SNX27: variants seen among roughly 807,000 people sequenced by gnomAD.
SNX27 encodes the protein sorting nexin 27.
In SNX27, 22 loss-of-function variants were observed where a neutral mutation model predicts 71.6. That is an observed-to-expected ratio of 0.31 (90% CI 0.22 to 0.44). The LOEUF (loss-of-function observed/expected upper bound fraction) is 0.44. Ranked by LOEUF, SNX27 falls within the 20% of genes least tolerant of loss-of-function variation. SNX27 has a pLI of 1.00. For synonymous variants in SNX27, 269 were observed against 277.2 expected, an observed-to-expected ratio of 0.97 and a Z score of 0.29; for missense variants, 531 against 698.6, an observed-to-expected ratio of 0.76 and a Z score of 2.70.
chr1:151,672,902 G>A (rs1018847973), intron 7 of SNX27, among the ~76,000 whole-genome samples: 1 of 149,280 alleles, frequency 6.7e-6, no homozygotes, highest in Non-Finnish European at 1.5e-5. Context: ...AGGTTTGTCT[G>A]TTTAACTTTT....
chr1:151,641,598 G>GAT (rs56886589), intron 2 of SNX27, among the ~76,000 whole-genome samples: 3,586 of 78,776 alleles, frequency 0.046, 131 homozygotes, highest in African/African-American at 0.068. Flanking sequence ...TCCTTTATCA[G>GAT]ATATATATAT....
intron 7 of SNX27, among the ~76,000 whole-genome samples, chr1:151,669,840 C>T (rs1009549605): frequency 5.3e-5 from 8 of 152,050 alleles, no homozygotes; most frequent in African/African-American, 1.9e-4. Flanking sequence ...AATCACATCA[C>T]AGAAAATGAG....
chr1:151,690,907 G>A (rs1441062264), intron 8 of SNX27, among the ~76,000 whole-genome samples: 2 of 152,184 alleles, frequency 1.3e-5, no homozygotes, highest in East Asian at 3.8e-4. Flanking sequence ...TGGAAGTAAT[G>A]GGGCCAGGAT....
rs767079309 is a variant in SNX27, at chr1:151,612,247, A to G, written c.46A>G (p.Arg16Gly). ...GEGIHPSAPH[R>G]NGGGGGGGGS... ...AGGGATTCATCCCTCAGCCCCTCAC[A>G]GGAACGGAGGTGGCGGCGGCGGCGG... The change falls in exon 1 of 12, where the codon AGG (arginine) becomes GGG (glycine). Residue 16 changes from arginine to glycine, a missense_variant. Coordinates refer to ENST00000458013, the MANE Select transcript of SNX27 (RefSeq NM_001330723.2). This position sits in a 1 kb window ranked among gnomAD's most constrained non-coding sequence, Gnocchi z 5.2. The G allele has an allele frequency of 4.2e-6, 6 of 1,435,798 alleles. No individual in the cohort carries two copies. In the East Asian group the frequency reaches 8.9e-5, roughly 21 times the overall value. The allele number at this position is 1,435,798 out of a possible 1,614,324, so 88.9% of individuals were successfully genotyped here.
intron 1 of SNX27, among the ~76,000 whole-genome samples, chr1:151,621,893 T>C (rs1480147775): frequency 6.6e-6 from 1 of 152,236 alleles, no homozygotes; most frequent in Non-Finnish European, 1.5e-5. Context: ...GCCTCTGTCT[T>C]TACTTGGAAA....
chr1:151,662,043 T>TC (rs397762476), intron 4 of SNX27, 123 bp from the exon 5 acceptor site: 2 of 609,392 alleles, frequency 3.3e-6, no homozygotes, highest in East Asian at 2.9e-5. Flanking sequence ...TTGATTTTTT[T>TC]CCCGTTTTCA....
intron 2 of SNX27, among the ~76,000 whole-genome samples, chr1:151,639,923 C>T (rs1390727486): frequency 6.6e-6 from 1 of 152,166 alleles, no homozygotes; most frequent in Non-Finnish European, 1.5e-5. Flanking sequence ...GCAGTGGGTT[C>T]TGTTAGATGC....
rs1168317084 is a variant in SNX27, at chr1:151,694,407, T to C, written c.1616T>C (p.Val539Ala). The C allele has an allele frequency of 1.9e-5, 30 of 1,550,374 alleles. No individual in the cohort carries two copies. The highest frequency in any genetic ancestry group is 2.7e-5 in the African/African-American group (2 of 72,990). Residue 539 changes from valine to alanine, a missense_variant, in exon 12 of 12, where the codon GTG becomes GCG. Around this residue, in one of 5 missense-constraint regions of SNX27, gnomAD observed 157 missense variants for 178.4 expected, o/e 0.88. Coordinates refer to ENST00000458013, the MANE Select transcript of SNX27 (RefSeq NM_001330723.2). ...ATGGCGAGGTCACAGCAGAGAGATG[T>C]GGCCACCTAGCCTTTCCTTATCCCC... is the stretch of plus-strand genomic sequence containing the variant. Reference protein sequence around the residue: ...FQMARSQQRDVAT With the variant: ...FQMARSQQRDAAT
intron 1 of SNX27, among the ~76,000 whole-genome samples, chr1:151,622,038 A>C (rs1245437203): frequency 2.0e-5 from 3 of 152,154 alleles, no homozygotes; most frequent in African/African-American, 7.2e-5. Flanking sequence ...TATATTCCTC[A>C]TTTGGAAAAG....
At position 151,683,378 on chromosome 1, in the gene SNX27, G is replaced by A; in HGVS notation, c.1172G>A (p.Gly391Asp). Residue 391 changes from glycine to aspartate, a missense_variant, in exon 8 of 12, where the codon GGT becomes GAT. By Grantham distance (94) the Gly-to-Asp change is moderately conservative. Around this residue, in one of 5 missense-constraint regions of SNX27, gnomAD observed 184 missense variants for 289.6 expected, o/e 0.64. Transcript: ENST00000458013. ...FHQAVDDVKK[G>D]YIKAEEKSYQ... is the part of the protein sequence containing the mutation. The stretch of plus-strand genomic sequence containing the variant: ...TAGGCAGTCGATGATGTGAAGAAAG[G>A]TTACATCAAAGCAGAAGAAAAGTCC... The A allele has an allele frequency of 1.9e-6, 3 of 1,613,220 alleles. No individual in the cohort carries two copies. Among genetic ancestry groups the A allele is most frequent in the Non-Finnish European group, 1.7e-6 (2 of 1,179,720 alleles).
At chr1:151,616,481 A>G (rs766651229) in intron 1 of SNX27, among the ~76,000 whole-genome samples, 1 of 152,220 alleles carries the variant, frequency 6.6e-6, no homozygotes, top group Admixed American at 6.5e-5. Flanking sequence ...AGACTCATCA[A>G]CTTTCCCTCA....
At chr1:151,662,022 TTGTAAA>T in intron 4 of SNX27, 138 bp from the exon 5 acceptor site, 1 of 553,626 alleles carries the variant, frequency 1.8e-6, no homozygotes. Context: ...GCTTTATGAC[TTGTAAA>T]TGTATTGATT....
intron 2 of SNX27, among the ~76,000 whole-genome samples, chr1:151,649,998 C>T (rs1298482255): frequency 6.6e-6 from 1 of 152,114 alleles, no homozygotes; most frequent in Non-Finnish European, 1.5e-5. Context: ...AGCAATTCTC[C>T]TGCCTCAGCC....
chr1:151,693,262 A>T, intron 10 of SNX27, 162 bp from the exon 11 acceptor site: 1 of 893,422 alleles, frequency 1.1e-6, no homozygotes, highest in Non-Finnish European at 1.7e-6. Flanking sequence ...AGAAGGAGCT[A>T]GAGAATAGTG....
chr1:151,675,440 T>A (rs1306628925), intron 7 of SNX27, among the ~76,000 whole-genome samples: 1 of 152,114 alleles, frequency 6.6e-6, no homozygotes, highest in Non-Finnish European at 1.5e-5. Context: ...GATACAACCT[T>A]TTTCTTTTCT....
intron 5 of SNX27, among the ~76,000 whole-genome samples, chr1:151,663,442 C>A (rs1670054264): frequency 6.6e-6 from 1 of 152,058 alleles, no homozygotes; most frequent in Non-Finnish European, 1.5e-5. Flanking sequence ...GAGCCACCAC[C>A]CCGGCCTCAC....
At chr1:151,663,765 T>A (rs993796315) in intron 5 of SNX27, among the ~76,000 whole-genome samples, 3 of 152,236 alleles carry the variant, frequency 2.0e-5, no homozygotes, top group Non-Finnish European at 4.4e-5. Context: ...TATCCCATTT[T>A]AGTGGTACTG....
At chr1:151,667,328 T>C (rs1421173954) in intron 6 of SNX27, 2 of 151,452 alleles carry the variant, frequency 1.3e-5, no homozygotes, top group African/African-American at 2.4e-5. Context: ...AAAGTGGTAG[T>C]TTTTTTATCC....
chr1:151,658,518 C>G, intron 3 of SNX27, 91 bp downstream of exon 3: 3 of 1,279,622 alleles, frequency 2.3e-6, no homozygotes, highest in Non-Finnish European at 3.2e-6. Context: ...TCCAGAACCT[C>G]AATAGTGAAT....
Sources: gnomAD v4.1 joint callset for allele counts (sites outside exome capture counted in the v4.1 genomes callset) on GRCh38, gnomAD v4.1.1 for gene constraint, gnomAD v4.1.1 regional missense constraint, Gnocchi (gnomAD v3.1) non-coding constraint, MANE v1.5 for transcripts, NCBI Gene and HGNC (gene_info 2026-07-23, HGNC 2026-07-21) for gene names.